OLFM3: variants seen among roughly 807,000 people sequenced by gnomAD.
OLFM3 encodes the protein noelin-3.
Under a neutral mutation model 48.6 loss-of-function variants are expected in OLFM3, and 20 were observed. The ratio of observed to expected loss-of-function variants is 0.41; its 90% CI spans 0.29 to 0.60. The LOEUF (loss-of-function observed/expected upper bound fraction) is 0.60, where lower values mean the gene tolerates loss of function less well. OLFM3 is among the 20% of genes least tolerant of loss of function. The pLI, the probability that OLFM3 is intolerant of heterozygous loss-of-function variation, is 0.28. For missense variants in OLFM3, 437 were observed against 544.3 expected (o/e 0.80, Z 1.96); for synonymous variants, 222 against 198.1 (o/e 1.12, Z -1.01).
chr1:101,893,246 T>C, intron 1 of OLFM3: 1 of 287,918 alleles, frequency 3.5e-6, no homozygotes, highest in Non-Finnish European at 6.8e-6. Context: ...AAGACAGAGG[T>C]GGGGAAAAAA....
intron 1 of OLFM3, among the ~76,000 whole-genome samples, chr1:101,934,969 G>T (rs1659564572): frequency 6.6e-6 from 1 of 151,960 alleles, no homozygotes; most frequent in Non-Finnish European, 1.5e-5. Context: ...TGCTAAACTG[G>T]TATTAAGAGG....
chr1:101,882,276 A>G (rs539896467), intron 1 of OLFM3, among the ~76,000 whole-genome samples: 1 of 148,978 alleles, frequency 6.7e-6, no homozygotes, highest in East Asian at 2.0e-4. Context: ...GTCAAAATCA[A>G]CAAAACAACA....
chr1:101,963,152 C>T (rs1002758167), intron 1 of OLFM3, among the ~76,000 whole-genome samples: 4 of 152,184 alleles, frequency 2.6e-5, no homozygotes, highest in Admixed American at 1.3e-4. Context: ...GCTTCTGGGT[C>T]GCCCTATTGG....
At chr1:101,943,894 G>A (rs865897671) in intron 1 of OLFM3, among the ~76,000 whole-genome samples, 13 of 144,798 alleles carry the variant, frequency 9.0e-5, no homozygotes, top group African/African-American at 3.1e-4. Context: ...AAATCCAATA[G>A]CCTCTTATTA....
chr1:101,879,149 A>G (rs1398377468), intron 1 of OLFM3, among the ~76,000 whole-genome samples: 2 of 151,888 alleles, frequency 1.3e-5, no homozygotes, highest in Non-Finnish European at 2.9e-5. Context: ...GGATTGTGGC[A>G]TCATCCTTTT....
chr1:101,870,941 C>A (rs1322901493), intron 1 of OLFM3, among the ~76,000 whole-genome samples: 1 of 150,974 alleles, frequency 6.6e-6, no homozygotes, highest in Non-Finnish European at 1.5e-5. Context: ...CTTTATAACT[C>A]TTTTTTTAAA....
At chr1:101,918,071 A>G (rs1570629412) in intron 1 of OLFM3, among the ~76,000 whole-genome samples, 1 of 152,200 alleles carries the variant, frequency 6.6e-6, no homozygotes, top group East Asian at 1.9e-4. Flanking sequence ...TGGTTTTGAC[A>G]TAATACTTCA....
At chr1:101,886,212 G>T (rs1394915149) in intron 1 of OLFM3, among the ~76,000 whole-genome samples, 1 of 151,790 alleles carries the variant, frequency 6.6e-6, no homozygotes, top group African/African-American at 2.4e-5. Flanking sequence ...AACCACCCAA[G>T]ATTTGAAATG....
intron 4 of OLFM3, 103 bp downstream of exon 4, chr1:101,824,923 T>C: frequency 9.9e-7 from 1 of 1,009,046 alleles, no homozygotes; most frequent in Non-Finnish European, 1.5e-6. Flanking sequence ...CTCTGATTTC[T>C]TTACAATTAG....
chr1:101,982,501 G>A (rs1570688417), intron 1 of OLFM3, among the ~76,000 whole-genome samples: 1 of 152,028 alleles, frequency 6.6e-6, no homozygotes, highest in Non-Finnish European at 1.5e-5. Context: ...ACTTGACCAG[G>A]CTATGGAGTT....
At chr1:101,973,767 A>G (rs1382269526) in intron 1 of OLFM3, among the ~76,000 whole-genome samples, 1 of 152,200 alleles carries the variant, frequency 6.6e-6, no homozygotes, top group Non-Finnish European at 1.5e-5. Flanking sequence ...TAATAGGCCT[A>G]TAGTAGAAAG....
chr1:101,944,649 G>A (rs1009772970), intron 1 of OLFM3, among the ~76,000 whole-genome samples: 3 of 152,154 alleles, frequency 2.0e-5, no homozygotes, highest in Admixed American at 2.0e-4. Flanking sequence ...GGAGTCCGAG[G>A]TGTGCAGATC....
intron 2 of OLFM3, among the ~76,000 whole-genome samples, chr1:101,832,563 G>A (rs1266718140): frequency 6.6e-6 from 1 of 152,200 alleles, no homozygotes; most frequent in African/African-American, 2.4e-5. Context: ...TGGGTGTGGA[G>A]TAGGGGCAGG....
At chr1:101,893,612 T>C (rs1054965680) in intron 1 of OLFM3, 5 of 224,624 alleles carry the variant, frequency 2.2e-5, no homozygotes, top group Non-Finnish European at 4.5e-5. Context: ...TTTTCATATG[T>C]ATGGATATAC....
chr1:101,888,494 T>A (rs1458377464), intron 1 of OLFM3, among the ~76,000 whole-genome samples: 1 of 152,142 alleles, frequency 6.6e-6, no homozygotes, highest in African/African-American at 2.4e-5. Flanking sequence ...TATACAAAAA[T>A]TAATTCAAGA....
At chr1:101,908,424 C>G (rs144095722) in intron 1 of OLFM3, among the ~76,000 whole-genome samples, 18 of 152,278 alleles carry the variant, frequency 1.2e-4, no homozygotes, top group African/African-American at 4.3e-4. Flanking sequence ...AAATTTCACA[C>G]CTTTTATTGG....
At chr1:101,964,656 C>T (rs914320211) in intron 1 of OLFM3, among the ~76,000 whole-genome samples, 1 of 152,130 alleles carries the variant, frequency 6.6e-6, no homozygotes, top group Admixed American at 6.5e-5. Flanking sequence ...TTGCTATTTT[C>T]ACCTCACAAT....
chr1:101,877,378 G>C (rs562728863), intron 1 of OLFM3, among the ~76,000 whole-genome samples: 1 of 151,886 alleles, frequency 6.6e-6, no homozygotes, highest in African/African-American at 2.4e-5. Flanking sequence ...TATTTTAAAA[G>C]CTGGAGATCA....
At chr1:101,837,774 G>A (rs777888558) in intron 1 of OLFM3, 4 of 152,042 alleles carry the variant, frequency 2.6e-5, no homozygotes, top group Non-Finnish European at 5.9e-5. Context: ...TAACCAAATC[G>A]GTCTGTGTGC....
Sources: allele counts gnomAD v4.1 joint callset (sites outside exome capture counted in the v4.1 genomes callset), GRCh38; gene constraint gnomAD v4.1.1; transcripts MANE v1.5; gene names NCBI Gene and HGNC (gene_info 2026-07-23, HGNC 2026-07-21).